Variants in TRDN observed in about 807,000 individuals in gnomAD.
The protein encoded by TRDN is triadin.
TRDN carries 161 observed loss-of-function variants against 149.7 expected under a neutral mutation model. That is an observed-to-expected ratio of 1.08 (90% CI 0.95 to 1.23). The LOEUF is 1.23. Among genes scored for constraint, TRDN ranks in the 50% most tolerant of loss-of-function variants. The pLI is 0.00. For synonymous variants in TRDN, 294 were observed against 250.5 expected (o/e 1.17, Z -1.64); for missense variants, 896 against 823.5 (o/e 1.09, Z -1.08).
intron 1 of TRDN, among the ~76,000 whole-genome samples, chr6:123,614,976 T>A (rs1460875603): frequency 6.6e-6 from 1 of 152,024 alleles, no homozygotes; most frequent in Non-Finnish European, 1.5e-5. Flanking sequence ...AATAGTGTGA[T>A]TAAAAACCTG....
At chr6:123,545,701 A>C (rs1257517711) in intron 4 of TRDN, among the ~76,000 whole-genome samples, 3 of 152,014 alleles carry the variant, frequency 2.0e-5, no homozygotes, top group Non-Finnish European at 4.4e-5. Context: ...ACTATTTTTG[A>C]CTAATAAACA....
chr6:123,626,734 T>C (rs1785690668), intron 1 of TRDN, among the ~76,000 whole-genome samples: 1 of 151,976 alleles, frequency 6.6e-6, no homozygotes, highest in Admixed American at 6.6e-5. Flanking sequence ...CCCTAGAACT[T>C]AAAGTATAAT....
At chr6:123,254,492 G>A (rs1776483492) in intron 37 of TRDN, among the ~76,000 whole-genome samples, 1 of 151,860 alleles carries the variant, frequency 6.6e-6, no homozygotes, top group Non-Finnish European at 1.5e-5. Flanking sequence ...CGAATTTAAA[G>A]CACTTTTTTA....
chr6:123,475,123 G>A (rs1777402979), intron 9 of TRDN, among the ~76,000 whole-genome samples: 1 of 151,342 alleles, frequency 6.6e-6, no homozygotes, highest in Non-Finnish European at 1.5e-5. Flanking sequence ...CCAGGAGCTG[G>A]TTTTTTGAAA....
At chr6:123,358,942 T>C (rs1453850044) in intron 20 of TRDN, among the ~76,000 whole-genome samples, 1 of 152,190 alleles carries the variant, frequency 6.6e-6, no homozygotes, top group Non-Finnish European at 1.5e-5. Context: ...AGCCATAGCA[T>C]GATAAACTAT....
At chr6:123,389,935 G>A (rs1782044512) in intron 13 of TRDN, among the ~76,000 whole-genome samples, 1 of 152,084 alleles carries the variant, frequency 6.6e-6, no homozygotes, top group Admixed American at 6.6e-5. Flanking sequence ...ATTTTAGTAA[G>A]TCTCTGAGTT....
At chr6:123,622,355 G>A (rs929091173) in intron 1 of TRDN, among the ~76,000 whole-genome samples, 11 of 144,366 alleles carry the variant, frequency 7.6e-5, no homozygotes, top group Admixed American at 1.4e-4. Context: ...ACAGGCACAC[G>A]CACACACATA....
chr6:123,367,451 AAGACATC>A (rs1257419839), intron 19 of TRDN, among the ~76,000 whole-genome samples: 2 of 152,194 alleles, frequency 1.3e-5, no homozygotes, highest in Non-Finnish European at 2.9e-5. Flanking sequence ...CGGCTTTTGA[AAGACATC>A]AGACATCAGA....
At chr6:123,478,377 T>G (rs1455011055) in intron 9 of TRDN, among the ~76,000 whole-genome samples, 2 of 152,210 alleles carry the variant, frequency 1.3e-5, no homozygotes, top group Non-Finnish European at 2.9e-5. Flanking sequence ...GACCAATTTC[T>G]GCAGTTCTAG....
At chr6:123,221,935 A>T (rs569042884) in intron 39 of TRDN, among the ~76,000 whole-genome samples, 1 of 151,800 alleles carries the variant, frequency 6.6e-6, no homozygotes, top group Admixed American at 6.6e-5. Context: ...GGAGGGACAT[A>T]TGTTTTTCGT....
chr6:123,297,069 A>C (rs1033944322), intron 24 of TRDN, among the ~76,000 whole-genome samples: 3 of 152,138 alleles, frequency 2.0e-5, no homozygotes, highest in African/African-American at 7.2e-5. Flanking sequence ...GATTATCTGT[A>C]ACAGGGTCTG....
intron 12 of TRDN, among the ~76,000 whole-genome samples, chr6:123,424,453 C>T (rs1774033673): frequency 6.6e-6 from 1 of 151,946 alleles, no homozygotes; most frequent in African/African-American, 2.4e-5. Context: ...CAAGAAAAAA[C>T]AACTCATGCA....
chr6:123,489,281 CTT>C (rs1562342565), intron 9 of TRDN, among the ~76,000 whole-genome samples: 5 of 151,900 alleles, frequency 3.3e-5, no homozygotes, highest in Non-Finnish European at 4.4e-5. Context: ...TTTAAACAAT[CTT>C]AAGTAATAAA....
intron 2 of TRDN, among the ~76,000 whole-genome samples, chr6:123,553,062 A>G (rs1428810847): frequency 1.3e-5 from 2 of 152,290 alleles, no homozygotes; most frequent in East Asian, 3.9e-4. Flanking sequence ...ATATAGACAA[A>G]TCAAATGGTA....
At position 123,571,026 on chromosome 6, in the gene TRDN, C is replaced by G. The variant is rs373840513; in HGVS notation, c.129G>C (p.Thr43=). Residue 43 remains threonine, a synonymous_variant, in exon 2 of 41, where the codon ACG becomes ACC. Transcript: ENST00000334268. ...GAAGCCAGGCTGCAGGGGAGCTGAA[C>G]GTCGTCACTATGTCTTCTGTGACTG... is the stretch of plus-strand genomic sequence containing the variant. ...KRTVTEDIVT[T]FSSPAAWLLV... The G allele has an allele frequency of 6.2e-7, 1 of 1,613,974 alleles. No homozygotes were observed. The highest frequency in any genetic ancestry group is 2.2e-5 in the East Asian group (1 of 44,872).
intron 4 of TRDN, among the ~76,000 whole-genome samples, chr6:123,546,763 C>T (rs1288789023): frequency 6.6e-6 from 1 of 151,990 alleles, no homozygotes; most frequent in African/African-American, 2.4e-5. Context: ...TTCACTCAGT[C>T]ACCTTATCTA....
intron 38 of TRDN, among the ~76,000 whole-genome samples, chr6:123,239,430 C>T (rs1471239391): frequency 6.6e-6 from 1 of 152,072 alleles, no homozygotes; most frequent in East Asian, 1.9e-4. Context: ...TAGAATTGTG[C>T]TTTCAACCAT....
At chr6:123,614,271 G>A (rs1382005111) in intron 1 of TRDN, among the ~76,000 whole-genome samples, 6 of 135,856 alleles carry the variant, frequency 4.4e-5, no homozygotes, top group Non-Finnish European at 6.2e-5. Flanking sequence ...GAATGTTACC[G>A]TGGGAAAGTG....
chr6:123,478,695 T>C (rs1777611597), intron 9 of TRDN, among the ~76,000 whole-genome samples: 6 of 152,172 alleles, frequency 3.9e-5, no homozygotes. Flanking sequence ...GCATGCAATG[T>C]CCTAACTTGC....
Sources: allele counts gnomAD v4.1 joint callset (sites outside exome capture counted in the v4.1 genomes callset), GRCh38; gene constraint gnomAD v4.1.1; transcripts MANE v1.5; gene names NCBI Gene and HGNC (gene_info 2026-07-23, HGNC 2026-07-21).